ZNF385B: variants seen among roughly 807,000 people sequenced by gnomAD.
The protein encoded by ZNF385B is zinc finger protein 385B.
ZNF385B carries 23 observed loss-of-function variants against 39.2 expected under a neutral mutation model. The ratio of observed to expected loss-of-function variants is 0.59; its 90% confidence interval spans 0.42 to 0.83. ZNF385B has a LOEUF of 0.83. ZNF385B is among the 40% of genes least tolerant of loss of function. The probability of loss-of-function intolerance (pLI) is 0.00; values close to 1 mark genes in which losing one functional copy is unlikely to be tolerated. For missense variants in ZNF385B, 552 were observed against 598.9 expected (o/e 0.92, Z 0.82); for synonymous variants, 205 against 222.6 (o/e 0.92, Z 0.70).
chr2:179,604,000 A>T (rs2106111195), intron 3 of ZNF385B, among the ~76,000 whole-genome samples: 1 of 152,328 alleles, frequency 6.6e-6, no homozygotes, highest in South Asian at 2.1e-4. Context: ...ATAGGATCAG[A>T]CTATTTTAAT....
chr2:179,620,850 GT>G (rs1690148253), intron 3 of ZNF385B, among the ~76,000 whole-genome samples: 1 of 152,006 alleles, frequency 6.6e-6, no homozygotes, highest in Admixed American at 6.6e-5. Flanking sequence ...CATTTTCTTT[GT>G]ACTTTTTTAA....
At chr2:179,528,072 A>AAAAAC (rs1335527526) in intron 4 of ZNF385B, among the ~76,000 whole-genome samples, 1 of 152,198 alleles carries the variant, frequency 6.6e-6, no homozygotes, top group Non-Finnish European at 1.5e-5. Flanking sequence ...AAATATGCAA[A>AAAAAC]AAAACAAAAC....
chr2:179,497,672 A>T (rs986039156), intron 5 of ZNF385B, among the ~76,000 whole-genome samples: 8 of 151,990 alleles, frequency 5.3e-5, no homozygotes, highest in African/African-American at 1.7e-4. Context: ...AAGACCATAA[A>T]ACAACCAGAA....
At chr2:179,450,182 A>G (rs1684239189) in intron 6 of ZNF385B, among the ~76,000 whole-genome samples, 1 of 152,020 alleles carries the variant, frequency 6.6e-6, no homozygotes. Context: ...CATTCAGGAC[A>G]TAGGCATGGG....
chr2:179,557,368 T>C (rs1559472464), intron 3 of ZNF385B, among the ~76,000 whole-genome samples: 1 of 139,036 alleles, frequency 7.2e-6, no homozygotes, highest in Non-Finnish European at 1.5e-5. Context: ...ATCAACATGA[T>C]TAATGGGAGA....
intron 3 of ZNF385B, among the ~76,000 whole-genome samples, chr2:179,766,293 C>T (rs1226562471): frequency 6.6e-6 from 1 of 152,054 alleles, no homozygotes; most frequent in Non-Finnish European, 1.5e-5. Flanking sequence ...GGGGAAGTCA[C>T]CTCTTAAATT....
At chr2:179,555,532 C>G (rs1480470636) in intron 3 of ZNF385B, among the ~76,000 whole-genome samples, 1 of 149,632 alleles carries the variant, frequency 6.7e-6, no homozygotes, top group South Asian at 2.1e-4. Context: ...GCTATTAATT[C>G]TAATAAAATG....
intron 3 of ZNF385B, among the ~76,000 whole-genome samples, chr2:179,757,732 A>G (rs1326073669): frequency 6.6e-6 from 1 of 152,162 alleles, no homozygotes; most frequent in Non-Finnish European, 1.5e-5. Flanking sequence ...GCAATGAGCG[A>G]GGCTCCGTGG....
intron 1 of ZNF385B, among the ~76,000 whole-genome samples, chr2:179,797,324 A>G (rs950146680): frequency 3.9e-5 from 6 of 152,220 alleles, no homozygotes; most frequent in Admixed American, 1.3e-4. Context: ...ACCAAGAATG[A>G]TATCATTTTA....
At chr2:179,627,421 T>C (rs974541742) in intron 3 of ZNF385B, among the ~76,000 whole-genome samples, 3 of 152,324 alleles carry the variant, frequency 2.0e-5, no homozygotes, top group South Asian at 2.1e-4. Flanking sequence ...CTTGATGTAG[T>C]AGGAATTATC....
Position 179,550,101 on chromosome 2 carries a change from CAG to C in ZNF385B, c.299-5134_299-5133del, listed in dbSNP as rs1403623359. The stretch of plus-strand genomic sequence containing the variant: ...TTAAACTCTTAGCTAAATTAAAAAA[CAG>C]AGATATTTCTTATGTTAGCCCAATG... On this transcript the variant is annotated intron_variant, in intron 3 of 9. Coordinates refer to ENST00000410066, the MANE Select transcript of ZNF385B (RefSeq NM_152520.6). Among the ~76,000 whole-genome samples the C allele has an allele frequency of 4.7e-5, 7 of 149,384 alleles. 1 individual carries two copies. Among genetic ancestry groups the C allele is most frequent in the Admixed American group, 1.3e-4 (2 of 14,998 alleles).
intron 3 of ZNF385B, among the ~76,000 whole-genome samples, chr2:179,763,250 T>G (rs1421638925): frequency 6.6e-6 from 1 of 152,194 alleles, no homozygotes; most frequent in East Asian, 1.9e-4. Flanking sequence ...ATTTATGGTT[T>G]CTGAAGGACT....
intron 4 of ZNF385B, among the ~76,000 whole-genome samples, chr2:179,525,182 C>G (rs2058811771): frequency 6.6e-6 from 1 of 151,346 alleles, no homozygotes; most frequent in Non-Finnish European, 1.5e-5. Context: ...TGTATTGCAT[C>G]GCACTGCTAA....
At chr2:179,527,557 A>G (rs1327626040) in intron 4 of ZNF385B, among the ~76,000 whole-genome samples, 2 of 150,780 alleles carry the variant, frequency 1.3e-5, no homozygotes, top group Admixed American at 6.6e-5. Context: ...TTTCATCTTC[A>G]TTTTATTTTG....
intron 3 of ZNF385B, among the ~76,000 whole-genome samples, chr2:179,761,465 TG>T (rs1418676062): frequency 6.6e-6 from 1 of 151,820 alleles, no homozygotes; most frequent in Non-Finnish European, 1.5e-5. Context: ...ATCCTACACA[TG>T]TTTTTTAAAG....
At chr2:179,468,764 T>C (rs946702688) in intron 6 of ZNF385B, among the ~76,000 whole-genome samples, 1 of 152,166 alleles carries the variant, frequency 6.6e-6, no homozygotes, top group Non-Finnish European at 1.5e-5. Flanking sequence ...GGGAGGAAAC[T>C]GAGTCTTTCT....
At chr2:179,539,464 G>A (rs1460080015) in intron 4 of ZNF385B, among the ~76,000 whole-genome samples, 1 of 152,088 alleles carries the variant, frequency 6.6e-6, no homozygotes, top group African/African-American at 2.4e-5. Flanking sequence ...TCTTATAAAT[G>A]TACTTACTTT....
At chr2:179,838,485 C>G (rs923857749) in intron 1 of ZNF385B, among the ~76,000 whole-genome samples, 2 of 152,172 alleles carry the variant, frequency 1.3e-5, no homozygotes, top group African/African-American at 4.8e-5. Flanking sequence ...GGTTACTATC[C>G]TTTTGGTTAC....
intron 4 of ZNF385B, among the ~76,000 whole-genome samples, chr2:179,540,156 G>A (rs1305997439): frequency 6.6e-6 from 1 of 152,098 alleles, no homozygotes; most frequent in Admixed American, 6.6e-5. Flanking sequence ...AAAAAACAGT[G>A]ACAGTTTGGC....
Sources: gnomAD v4.1 joint callset for allele counts (sites outside exome capture counted in the v4.1 genomes callset) on GRCh38, gnomAD v4.1.1 for gene constraint, MANE v1.5 for transcripts, NCBI Gene and HGNC (gene_info 2026-07-23, HGNC 2026-07-21) for gene names.